HINFP: variants seen among roughly 807,000 people sequenced by gnomAD.
HINFP encodes MBD2 (methyl-CpG-binding protein)-interacting zinc finger protein.
Under a neutral mutation model 50.1 loss-of-function variants are expected in HINFP, and 20 were observed. The observed-to-expected ratio is 0.40, with a 90% CI of 0.28 to 0.58. HINFP has a LOEUF of 0.58. Among genes scored for constraint, HINFP ranks in the 20% least tolerant of loss-of-function variants. The probability of loss-of-function intolerance (pLI) is 0.45; values close to 1 mark genes in which losing one functional copy is unlikely to be tolerated. For synonymous variants in HINFP, 247 were observed against 243.7 expected (o/e 1.01, Z -0.13); for missense variants, 505 against 664.1 (o/e 0.76, Z 2.63).
chr11:119,126,791 A>G (rs1275761767), intron 1 of HINFP, 144 bp from the exon 2 acceptor site: 6 of 648,258 alleles, frequency 9.3e-6, no homozygotes, highest in East Asian at 8.2e-5. Context: ...GAATTACTCC[A>G]TCCTTACTGT....
At chr11:119,123,477 CT>C (rs1223362538) in intron 1 of HINFP, among the ~76,000 whole-genome samples, 1 of 151,970 alleles carries the variant, frequency 6.6e-6, no homozygotes, top group Non-Finnish European at 1.5e-5. Flanking sequence ...GATTTTATGA[CT>C]TTTGAAGCTT....
intron 2 of HINFP, 152 bp from the exon 3 acceptor site, chr11:119,130,573 T>TA: frequency 1.6e-6 from 1 of 634,442 alleles, no homozygotes; most frequent in East Asian, 2.7e-5. Flanking sequence ...GGTCATTAAA[T>TA]ACTGGTATTT....
chr11:119,123,581 C>T (rs1419076926), intron 1 of HINFP, among the ~76,000 whole-genome samples: 2 of 151,064 alleles, frequency 1.3e-5, no homozygotes, highest in Admixed American at 6.6e-5. Context: ...CTGGGTCTGC[C>T]GCCCAGGATG....
rs762630982 is a variant in HINFP at position 119,133,090 on chromosome 11, A to G, written c.1015-5A>G. The G allele has an allele frequency of 9.3e-6, 15 of 1,614,096 alleles. No homozygotes were observed. Among genetic ancestry groups the G allele is most frequent in the Admixed American group, 8.3e-5 (5 of 60,008 alleles). ...GGTCTCATTTCTCCCTTCCTTCCCC[A>G]TCAGGGAGACTCTGAGCCAAGGTAC... On this transcript the variant is annotated splice_polypyrimidine_tract_variant and splice_region_variant and intron_variant, in intron 8 of 9. Coordinates refer to ENST00000350777, the MANE Select transcript of HINFP (RefSeq NM_198971.3).
intron 5 of HINFP, 76 bp downstream of exon 5, chr11:119,132,058 G>A (rs73562872): frequency 3.9e-6 from 6 of 1,540,302 alleles, no homozygotes; most frequent in Non-Finnish European, 5.3e-6. Context: ...TCTAGTGGGG[G>A]TGGCCACTGA....
At chr11:119,133,958 C>A in intron 9 of HINFP, 126 bp from the exon 10 acceptor site, 2 of 1,299,872 alleles carry the variant, frequency 1.5e-6, no homozygotes, top group South Asian at 1.3e-5. Context: ...TTTTTGTCTT[C>A]AACTCCTGTC....
rs1435931119 is a variant in HINFP at position 119,131,277 on chromosome 11, C to T, written c.412-258C>T. On this transcript the variant is annotated intron_variant, in intron 3 of 9. Transcript: ENST00000350777. This position sits in a 1 kb window ranked among gnomAD's most constrained non-coding sequence, Gnocchi z 4.2. ...CTAACTTCTAAATTTTTTGTAGAGA[C>T]AAGGTCTGGGTGTGTTGCCCAGGCC... The T allele has an allele frequency of 1.8e-6, 1 of 567,358 alleles. No homozygotes were observed. The highest frequency in any genetic ancestry group is 1.9e-5 in the African/African-American group (1 of 53,468). The allele number at this position is 567,358 out of a possible 1,614,324, so 35.1% of individuals were successfully genotyped here. A position where few individuals can be genotyped will look rare whatever the true frequency, so the allele number is the denominator to read the frequency against.
intron 9 of HINFP, chr11:119,133,502 C>G (rs1947897139): frequency 2.7e-6 from 1 of 371,080 alleles, no homozygotes; most frequent in African/African-American, 2.1e-5. Flanking sequence ...TCACTTGAAC[C>G]CAGAAGGCGG....
chr11:119,134,500 G>T lies in HINFP; in HGVS notation c.*2G>T, dbSNP rs1947968750. On this transcript the variant is annotated 3_prime_UTR_variant, in exon 10 of 10. Transcript: ENST00000350777. The surrounding 1 kb of genome is among the most constrained non-coding windows in gnomAD (Gnocchi z 4.3). ...GAGCCAGAGATCCAGATGGTTTGAA[G>T]GCCGCAGAGCCAGACCATTTCTTCC... 6.3e-7 allele frequency: 1 copy of T among 1,588,612 alleles called. No individual in the cohort carries two copies.
At chr11:119,121,884 G>C (rs1232671744) in intron 1 of HINFP, 1 of 152,396 alleles carries the variant, frequency 6.6e-6, no homozygotes, top group Non-Finnish European at 1.5e-5. Context: ...TTTGCCCAAC[G>C]GGACGGTCTC....
Position 119,127,157 on chromosome 11 carries a change from C to G in HINFP, c.181+32C>G, listed in dbSNP as rs547866649. ...GAGCAGGACACAGGAAGGGGAGGAG[C>G]TCAAGGAAAGGTGGAAAATCTGACT... On this transcript the variant is annotated intron_variant, in intron 2 of 9. Transcript: ENST00000350777. 14 of 1,539,262 alleles carry G rather than the reference C, an allele frequency of 9.1e-6. No homozygotes were observed. The South Asian group carries it at 1.3e-4, about 15-fold the overall frequency.
Position 119,134,311 on chromosome 11 carries a change from C to T in HINFP, c.1367C>T (p.Ser456Phe), listed in dbSNP as rs1947947998. Residue 456 changes from serine (S) to phenylalanine (F), a missense_variant, in exon 10 of 10, where the codon TCT (serine) becomes TTT (phenylalanine). By Grantham distance (155) the Ser-to-Phe change is radical. Transcript: ENST00000350777. This position sits in a 1 kb window ranked among gnomAD's most constrained non-coding sequence, Gnocchi z 4.3. ...AGCGAAGGGACAGCCCTCTCAGCCT[C>T]TCAGGACAACCCCAGTTCTGTCATC... is the stretch of plus-strand genomic sequence containing the variant. ...KGSEGTALSA[S>F]QDNPSSVIHV... is the part of the protein sequence containing the mutation. The T allele has an allele frequency of 2.5e-6, 4 of 1,614,182 alleles. No homozygotes were observed. The highest frequency in any genetic ancestry group is 1.7e-5 in the Admixed American group (1 of 60,024).
chr11:119,129,495 T>C (rs187405898), intron 2 of HINFP, among the ~76,000 whole-genome samples: 13 of 148,608 alleles, frequency 8.7e-5, no homozygotes, highest in South Asian at 4.8e-4. Context: ...CTTTTCTTTT[T>C]TTTTTTTTTT....
rs751122938 is a variant in HINFP, at chr11:119,134,386, A to G, written c.1442A>G (p.Tyr481Cys). The change falls in exon 10 of 10, where the codon TAT (tyrosine) becomes TGT (cysteine). Residue 481 changes from tyrosine to cysteine, a missense_variant. By Grantham distance (194) the Tyr-to-Cys change is radical. Transcript: ENST00000350777. This position sits in a 1 kb window ranked among gnomAD's most constrained non-coding sequence, Gnocchi z 4.3. ...CAAGGCCAGCAAGAGATCGTCTACTATGTGCTGTCTGAAGCCCCAGGGGAG... is the reference window on the plus strand; with the variant it reads ...CAAGGCCAGCAAGAGATCGTCTACTGTGTGCTGTCTGAAGCCCCAGGGGAG... ...NAQGQQEIVY[Y>C]VLSEAPGEPP... 2.4e-5 allele frequency: 39 copies of G among 1,614,038 alleles called. No homozygotes were observed. Among genetic ancestry groups the G allele is most frequent in the Non-Finnish European group, 3.1e-5 (36 of 1,180,000 alleles).
At chr11:119,123,726 T>G (rs1457833539) in intron 1 of HINFP, 1 of 147,344 alleles carries the variant, frequency 6.8e-6, no homozygotes, top group Non-Finnish European at 1.5e-5. Context: ...TTTTTTTTTT[T>G]TTTTTGAGAT....
rs1000793107 is a variant in HINFP at position 119,133,811 on chromosome 11, A to G, written c.1140-273A>G. On this transcript the variant is annotated intron_variant, in intron 9 of 9. Coordinates refer to ENST00000350777, the MANE Select transcript of HINFP (RefSeq NM_198971.3). The stretch of plus-strand genomic sequence containing the variant: ...ATCCTTAGCTCCAAGGCCTTCTCAT[A>G]AATCCTTTGACACTTTCACCCTCCA... 8 of 558,950 alleles carry G rather than the reference A, an allele frequency of 1.4e-5. No homozygotes were observed. In the African/African-American group the frequency reaches 1.5e-4, roughly 10 times the overall value. The allele number at this position is 558,950 out of a possible 1,614,324, so 34.6% of individuals were successfully genotyped here. A position where few individuals can be genotyped will look rare whatever the true frequency, so the allele number is the denominator to read the frequency against.
In HINFP at chr11:119,133,006, AGT is replaced by A; in HGVS notation, c.1014+6_1014+7del. 1 of 1,614,224 alleles carries A rather than the reference AGT, an allele frequency of 6.2e-7. No individual in the cohort carries two copies. The highest frequency in any genetic ancestry group is 8.5e-7 in the Non-Finnish European group (1 of 1,180,042). On this transcript the variant is annotated splice_donor_5th_base_variant and intron_variant, in intron 8 of 9. Coordinates refer to ENST00000350777, the MANE Select transcript of HINFP (RefSeq NM_198971.3). ...CCATTACCGCAAAGTACATGAAGTG[AGT>A]GGGGCTGGTGTTGGGAAGGACTAGT...
Position 119,131,363 on chromosome 11 carries a change from A to G in HINFP, c.412-172A>G. 1 of 627,748 alleles carries G rather than the reference A, an allele frequency of 1.6e-6. No homozygotes were observed. Among genetic ancestry groups the G allele is most frequent in the South Asian group, 1.8e-5 (1 of 56,200 alleles). 38.9% of individuals were successfully genotyped at this position (627,748 alleles called of 1,614,324 possible). A position where few individuals can be genotyped will look rare whatever the true frequency, so the allele number is the denominator to read the frequency against. ...CTCAGCCTCTCAAAGTGCTGGGATT[A>G]CAGGGTTTAGCAACCGCACCCGGCC... is the stretch of plus-strand genomic sequence containing the variant. On this transcript the variant is annotated intron_variant, in intron 3 of 9. Transcript: ENST00000350777. This position sits in a 1 kb window ranked among gnomAD's most constrained non-coding sequence, Gnocchi z 4.2.
chr11:119,129,053 C>T (rs1947591946), intron 2 of HINFP, among the ~76,000 whole-genome samples: 1 of 151,690 alleles, frequency 6.6e-6, no homozygotes, highest in South Asian at 2.1e-4. Context: ...AACTTTTTTT[C>T]AGAGTAAGAT....
Sources: gnomAD v4.1 joint callset for allele counts (sites outside exome capture counted in the v4.1 genomes callset) on GRCh38, gnomAD v4.1.1 for gene constraint, Gnocchi (gnomAD v3.1) non-coding constraint, MANE v1.5 for transcripts, NCBI Gene and HGNC (gene_info 2026-07-23, HGNC 2026-07-21) for gene names.